NRXN3: variants seen among roughly 807,000 people sequenced by gnomAD.
NRXN3 encodes neurexin 3.
In NRXN3, 32 loss-of-function variants were observed where a neutral mutation model predicts 137.6. The observed-to-expected ratio is 0.23, with a 90% CI of 0.18 to 0.31. NRXN3 has a LOEUF of 0.31. Among genes scored for constraint, NRXN3 ranks in the 10% least tolerant of loss-of-function variants. NRXN3 has a pLI of 1.00. For synonymous variants in NRXN3, 798 were observed against 784.5 expected, an observed-to-expected ratio of 1.02 and a Z score of -0.29; for missense variants, 1,574 against 2,062.5, an observed-to-expected ratio of 0.76 and a Z score of 4.59.
chr14:79,150,266 T>C (rs2059679577), intron 15 of NRXN3, among the ~76,000 whole-genome samples: 1 of 152,004 alleles, frequency 6.6e-6, no homozygotes, highest in South Asian at 2.1e-4. Context: ...CAAGGATGTG[T>C]CCAACTTTTG....
intron 4 of NRXN3, among the ~76,000 whole-genome samples, chr14:78,446,111 A>G (rs2094411096): frequency 6.6e-6 from 1 of 152,208 alleles, no homozygotes; most frequent in South Asian, 2.1e-4. Context: ...TTAATCAGCC[A>G]TCATGTCCAC....
chr14:78,353,532 C>A (rs148557675), intron 4 of NRXN3, among the ~76,000 whole-genome samples: 154 of 152,260 alleles, frequency 1.0e-3, no homozygotes, highest in African/African-American at 2.8e-3. Flanking sequence ...GATCTAACTA[C>A]CTCCAAAGGC....
chr14:78,986,507 C>A (rs1434289214), intron 14 of NRXN3, among the ~76,000 whole-genome samples: 7 of 151,896 alleles, frequency 4.6e-5, no homozygotes, highest in Non-Finnish European at 8.8e-5. Context: ...TTTTAATGCC[C>A]CCACATGTCA....
intron 10 of NRXN3, among the ~76,000 whole-genome samples, chr14:78,947,594 G>A (rs141437503): frequency 7.1e-4 from 108 of 152,302 alleles, no homozygotes; most frequent in African/African-American, 2.6e-3. Flanking sequence ...GAGTGAATTA[G>A]ACAAATTAAC....
chr14:79,244,608 T>TATC (rs762644500), intron 15 of NRXN3, among the ~76,000 whole-genome samples: 3 of 152,160 alleles, frequency 2.0e-5, no homozygotes, highest in Non-Finnish European at 4.4e-5. Context: ...CAAGTTGGAC[T>TATC]AATTCTTAGT....
chr14:79,082,278 C>T (rs2047187163), intron 15 of NRXN3, among the ~76,000 whole-genome samples: 2 of 152,010 alleles, frequency 1.3e-5, no homozygotes, highest in South Asian at 4.2e-4. Context: ...TTTATATACA[C>T]ACCTCATCAG....
At chr14:78,932,016 C>G (rs2099323526) in intron 10 of NRXN3, among the ~76,000 whole-genome samples, 1 of 151,966 alleles carries the variant, frequency 6.6e-6, no homozygotes, top group Non-Finnish European at 1.5e-5. Flanking sequence ...GGCAGGCACC[C>G]ATAATCCCAG....
chr14:78,803,029 C>T (rs1289394033), intron 8 of NRXN3, among the ~76,000 whole-genome samples: 7 of 152,160 alleles, frequency 4.6e-5, no homozygotes, highest in African/African-American at 1.2e-4. Flanking sequence ...GTGTCATTAG[C>T]TTTATGTTAT....
At chr14:79,583,881 G>GGAAACT (rs1179019563) in intron 16 of NRXN3, among the ~76,000 whole-genome samples, 1 of 152,046 alleles carries the variant, frequency 6.6e-6, no homozygotes, top group Non-Finnish European at 1.5e-5. Flanking sequence ...GCCTCTATTT[G>GGAAACT]GAAACTGAAC....
chr14:79,730,411 A>G (rs1042419762), intron 19 of NRXN3, among the ~76,000 whole-genome samples: 1 of 152,190 alleles, frequency 6.6e-6, no homozygotes, highest in African/African-American at 2.4e-5. Flanking sequence ...CAAGCACTTG[A>G]TAGAGGCTAC....
chr14:79,673,775 T>C (rs1296456076), intron 17 of NRXN3, among the ~76,000 whole-genome samples: 2 of 152,082 alleles, frequency 1.3e-5, no homozygotes, highest in African/African-American at 4.8e-5. Flanking sequence ...GAAATACAAG[T>C]ACACAAGGAA....
chr14:78,731,607 A>ATGTG (rs149686835), intron 8 of NRXN3, among the ~76,000 whole-genome samples: 8 of 148,838 alleles, frequency 5.4e-5, no homozygotes, highest in African/African-American at 2.0e-4. Flanking sequence ...GTATATATAT[A>ATGTG]TGTGTGTGTG....
At chr14:79,265,601 T>C (rs1428278870) in intron 15 of NRXN3, among the ~76,000 whole-genome samples, 1 of 152,186 alleles carries the variant, frequency 6.6e-6, no homozygotes, top group African/African-American at 2.4e-5. Flanking sequence ...ACCAAGAATG[T>C]ATGGCACCAC....
intron 15 of NRXN3, among the ~76,000 whole-genome samples, chr14:79,014,415 A>T (rs997715489): frequency 6.6e-6 from 1 of 152,088 alleles, no homozygotes; most frequent in East Asian, 1.9e-4. Context: ...AACTCCATTC[A>T]TGTTGCTGCA....
intron 15 of NRXN3, among the ~76,000 whole-genome samples, chr14:79,457,469 C>G (rs1784424306): frequency 6.6e-6 from 1 of 152,088 alleles, no homozygotes; most frequent in African/African-American, 2.4e-5. Flanking sequence ...AACTGAGGCT[C>G]AGTGAAGATA....
chr14:79,053,859 CA>C lies in NRXN3; in HGVS notation c.3262+65720del, dbSNP rs570090645. Among the ~76,000 whole-genome samples, 476 of 152,014 alleles carry C rather than the reference CA, an allele frequency of 3.1e-3. 2 individuals carry two copies. The highest frequency in any genetic ancestry group is 5.1e-3 in the Non-Finnish European group (345 of 67,978). On this transcript the variant is annotated intron_variant, in intron 15 of 20. Coordinates refer to ENST00000335750, the MANE Select transcript of NRXN3 (RefSeq NM_001330195.2). ...GGATGGGATCAGGGACACATCATGC[CA>C]AGTCTTCTATGCCACATTGGGAATG...
intron 20 of NRXN3, among the ~76,000 whole-genome samples, chr14:79,854,423 C>A (rs1369971059): frequency 2.0e-5 from 3 of 152,036 alleles, no homozygotes; most frequent in Non-Finnish European, 4.4e-5. Flanking sequence ...ATTTTATTTT[C>A]TACTATATAA....
In NRXN3 at chr14:79,409,019, A is replaced by T. The variant is rs2095365780; in HGVS notation, c.3263-58202A>T. Among the ~76,000 whole-genome samples the T allele has an allele frequency of 2.0e-5, 3 of 152,246 alleles. No homozygotes were observed. The South Asian group carries it at 6.2e-4, about 32-fold the overall frequency. On this transcript the variant is annotated intron_variant, in intron 15 of 20. Coordinates refer to ENST00000335750, the MANE Select transcript of NRXN3 (RefSeq NM_001330195.2). ...TTGGTCTATGGATAAGAAATTCTGC[A>T]GAACTTTTCAACCAAGTAATTAGAT...
At chr14:79,282,858 A>C (rs990851248) in intron 15 of NRXN3, among the ~76,000 whole-genome samples, 8 of 152,168 alleles carry the variant, frequency 5.3e-5, no homozygotes, top group Non-Finnish European at 1.2e-4. Flanking sequence ...TGGAGAGTGA[A>C]TGCATCTGTA....
Sources: allele counts gnomAD v4.1 joint callset (sites outside exome capture counted in the v4.1 genomes callset), GRCh38; gene constraint gnomAD v4.1.1; transcripts MANE v1.5; gene names NCBI Gene and HGNC (gene_info 2026-07-23, HGNC 2026-07-21).